ADCY2: variants seen among roughly 807,000 people sequenced by gnomAD.
The protein encoded by ADCY2 is adenylate cyclase 2, also known as adenylate cyclase type 2.
Under a neutral mutation model 125.2 loss-of-function variants are expected in ADCY2, and 31 were observed. The observed-to-expected ratio is 0.25, with a 90% CI of 0.19 to 0.33. The LOEUF (loss-of-function observed/expected upper bound fraction) is 0.33. ADCY2 is among the 10% of genes least tolerant of loss of function. The pLI is 1.00. For missense variants in ADCY2, 904 were observed against 1,418.2 expected (o/e 0.64, Z 5.82); for synonymous variants, 512 against 548.4 (o/e 0.93, Z 0.93).
chr5:7,748,033 T>G (rs1742683539), intron 15 of ADCY2, among the ~76,000 whole-genome samples: 1 of 152,198 alleles, frequency 6.6e-6, no homozygotes, highest in Non-Finnish European at 1.5e-5. Flanking sequence ...TCTGGCGGGT[T>G]CCCAGCCTCT....
intron 24 of ADCY2, among the ~76,000 whole-genome samples, chr5:7,824,548 T>A (rs1022791398): frequency 6.6e-6 from 1 of 152,208 alleles, no homozygotes; most frequent in Non-Finnish European, 1.5e-5. Flanking sequence ...TTCTTCATCT[T>A]CTTTCAGCTC....
chr5:7,611,215 G>A (rs989661774), intron 3 of ADCY2: 2 of 152,144 alleles, frequency 1.3e-5, no homozygotes, highest in African/African-American at 2.4e-5. Flanking sequence ...AATTTTATAT[G>A]TGACATAGCC....
intron 2 of ADCY2, among the ~76,000 whole-genome samples, chr5:7,415,763 C>T (rs1739917244): frequency 6.6e-6 from 1 of 152,094 alleles, no homozygotes. Context: ...AGTGCTGCTG[C>T]TATGTGGGTG....
intron 8 of ADCY2, 128 bp from the exon 9 acceptor site, chr5:7,707,578 C>T (rs1423721560): frequency 8.9e-7 from 1 of 1,117,848 alleles, no homozygotes; most frequent in Non-Finnish European, 1.3e-6. Context: ...AGAATATAAA[C>T]TTTAATTGCG....
At chr5:7,812,344 A>C (rs971578847) in intron 22 of ADCY2, among the ~76,000 whole-genome samples, 12 of 152,210 alleles carry the variant, frequency 7.9e-5, no homozygotes, top group African/African-American at 2.9e-4. Flanking sequence ...AAAGAAAATG[A>C]ACTGTCCCTG....
chr5:7,801,418 G>C (rs764080707), intron 20 of ADCY2: 1 of 152,166 alleles, frequency 6.6e-6, no homozygotes, highest in East Asian at 1.9e-4. Context: ...CAGTGGCCCC[G>C]GCTAGTCTGC....
At chr5:7,515,373 G>A (rs866262081) in intron 2 of ADCY2, among the ~76,000 whole-genome samples, 1 of 152,142 alleles carries the variant, frequency 6.6e-6, no homozygotes, top group African/African-American at 2.4e-5. Context: ...ATGTTTTGGG[G>A]TAGGCAGGAG....
intron 4 of ADCY2, among the ~76,000 whole-genome samples, chr5:7,631,922 G>A (rs11134249): frequency 0.011 from 1,736 of 152,212 alleles, 36 homozygotes; most frequent in African/African-American, 0.037. Flanking sequence ...CCAATGAAAC[G>A]GACCTTACGA....
chr5:7,777,388 A>T (rs1484722186), intron 18 of ADCY2, among the ~76,000 whole-genome samples: 1 of 152,206 alleles, frequency 6.6e-6, no homozygotes, highest in Non-Finnish European at 1.5e-5. Context: ...GTACTCAAAA[A>T]ACATCTGTTG....
chr5:7,689,891 A>G (rs897304702), intron 4 of ADCY2, among the ~76,000 whole-genome samples: 3 of 152,224 alleles, frequency 2.0e-5, no homozygotes, highest in African/African-American at 4.8e-5. Flanking sequence ...CAGGATGGAT[A>G]TATGTCCTGA....
At chr5:7,785,817 C>T (rs1202990816) in intron 19 of ADCY2, among the ~76,000 whole-genome samples, 1 of 152,160 alleles carries the variant, frequency 6.6e-6, no homozygotes, top group Non-Finnish European at 1.5e-5. Context: ...TCCTTCACAG[C>T]AGCAAATTTT....
intron 4 of ADCY2, among the ~76,000 whole-genome samples, chr5:7,674,136 C>G (rs149804505): frequency 5.7e-4 from 87 of 152,308 alleles, no homozygotes; most frequent in African/African-American, 2.0e-3. Flanking sequence ...CTGCTCCCTC[C>G]TGGCCCCCAC....
chr5:7,814,417 C>A (rs113230413), intron 22 of ADCY2, among the ~76,000 whole-genome samples: 2,881 of 152,026 alleles, frequency 0.019, 108 homozygotes, highest in African/African-American at 0.066. Context: ...GATGCCCCTG[C>A]CGTCCAGTAG....
At chr5:7,467,509 T>G (rs1218988423) in intron 2 of ADCY2, among the ~76,000 whole-genome samples, 1 of 152,202 alleles carries the variant, frequency 6.6e-6, no homozygotes, top group Non-Finnish European at 1.5e-5. Context: ...CTAACTGGCC[T>G]TCAGAGTTCT....
chr5:7,465,909 T>C (rs1742097445), intron 2 of ADCY2, among the ~76,000 whole-genome samples: 1 of 152,192 alleles, frequency 6.6e-6, no homozygotes, highest in Non-Finnish European at 1.5e-5. Flanking sequence ...TCAATGAAAT[T>C]TGGGGAAAGA....
intron 4 of ADCY2, chr5:7,653,897 G>T (rs1418392558): frequency 7.1e-6 from 2 of 280,426 alleles, no homozygotes; most frequent in Admixed American, 8.6e-5. Flanking sequence ...TACCACTCCT[G>T]GGGGAGGAGT....
At chr5:7,647,079 A>C (rs1038813535) in intron 4 of ADCY2, among the ~76,000 whole-genome samples, 1 of 152,198 alleles carries the variant, frequency 6.6e-6, no homozygotes, top group African/African-American at 2.4e-5. Context: ...CATCCTATTC[A>C]GGATTCCCTC....
intron 1 of ADCY2, among the ~76,000 whole-genome samples, chr5:7,406,517 G>A (rs552055313): frequency 1.1e-4 from 16 of 152,358 alleles, no homozygotes; most frequent in African/African-American, 3.1e-4. Flanking sequence ...CCCTGGCCCA[G>A]AGACTAGAGA....
intron 3 of ADCY2, among the ~76,000 whole-genome samples, chr5:7,536,241 G>GTGGA (rs1009576777): frequency 6.6e-6 from 1 of 152,230 alleles, no homozygotes; most frequent in Non-Finnish European, 1.5e-5. Flanking sequence ...CCTTTATGGG[G>GTGGA]TGGAAGTCCT....
Sources: allele counts gnomAD v4.1 joint callset (sites outside exome capture counted in the v4.1 genomes callset), GRCh38; gene constraint gnomAD v4.1.1; transcripts MANE v1.5; gene names NCBI Gene and HGNC (gene_info 2026-07-23, HGNC 2026-07-21).